The following TMPRSS11F variants were observed in gnomAD, a reference collection of about 807,000 sequenced individuals.
The protein encoded by TMPRSS11F is transmembrane serine protease 11F, also known as transmembrane protease serine 11F.
Under a neutral mutation model 60.2 loss-of-function variants are expected in TMPRSS11F, and 47 were observed. The observed-to-expected ratio is 0.78, with a 90% CI of 0.62 to 1.00. TMPRSS11F has a LOEUF of 1.00. Among genes scored for constraint, TMPRSS11F ranks in the 50% least tolerant of loss-of-function variants. The pLI, the probability that TMPRSS11F is intolerant of heterozygous loss-of-function variation, is 0.00. For synonymous variants in TMPRSS11F, 166 were observed against 167.3 expected, an observed-to-expected ratio of 0.99 and a Z score of 0.06; for missense variants, 519 against 522.9, an observed-to-expected ratio of 0.99 and a Z score of 0.07.
intron 2 of TMPRSS11F, among the ~76,000 whole-genome samples, 185 bp from the exon 3 acceptor site, chr4:68,090,826 A>T (rs1025691941): frequency 1.3e-5 from 2 of 152,188 alleles, no homozygotes; most frequent in African/African-American, 4.8e-5. Context: ...AAAATAAAAA[A>T]TTCTGATCCC....
At chr4:68,057,446 A>G (rs1394451084) in intron 9 of TMPRSS11F, among the ~76,000 whole-genome samples, 1 of 152,144 alleles carries the variant, frequency 6.6e-6, no homozygotes, top group Non-Finnish European at 1.5e-5. Flanking sequence ...GGTTTGGGCA[A>G]GGATTTTTGA....
rs111310380 is a variant in TMPRSS11F, at chr4:68,060,032, A to G, written c.1016-564T>C. ...GTGTTAGGAGGAGAGGATACTGCACAGTTGAATATCGAAAATAAGTAGTTT... is the reference window on the plus strand; with the variant it reads ...GTGTTAGGAGGAGAGGATACTGCACGGTTGAATATCGAAAATAAGTAGTTT... On this transcript the variant is annotated intron_variant, in intron 8 of 9. Coordinates refer to ENST00000356291, the MANE Select transcript of TMPRSS11F (RefSeq NM_207407.2). 5.0e-3 allele frequency among the ~76,000 whole-genome samples: 765 copies of G among 152,282 alleles called. 9 individuals carry two copies. Among genetic ancestry groups the G allele is most frequent in the African/African-American group, 0.018 (744 of 41,560 alleles).
chr4:68,063,708 A>G (rs1240977708), intron 8 of TMPRSS11F, among the ~76,000 whole-genome samples: 1 of 152,110 alleles, frequency 6.6e-6, no homozygotes, highest in Non-Finnish European at 1.5e-5. Context: ...AGAGTGAACT[A>G]GTACCTAGAA....
In TMPRSS11F at chr4:68,101,032, C is replaced by A. The variant is rs552195493; in HGVS notation, c.12-1994G>T. Among the ~76,000 whole-genome samples, 91 of 152,170 alleles carry A rather than the reference C, an allele frequency of 6.0e-4. 4 individuals carry two copies. In the South Asian group the frequency reaches 0.018, roughly 30 times the overall value. On this transcript the variant is annotated intron_variant, in intron 1 of 9. Coordinates refer to ENST00000356291, the MANE Select transcript of TMPRSS11F (RefSeq NM_207407.2). ...GTAGGTTTCATTACTATACTCTGAT[C>A]CCTTCAAGAAGCACGAAATAACAAG...
chr4:68,062,676 T>G lies in TMPRSS11F; in HGVS notation c.1015+2009A>C, dbSNP rs1360727319. 6 of 760,664 alleles carry G rather than the reference T, an allele frequency of 7.9e-6. No individual in the cohort carries two copies. The African/African-American group carries it at 1.0e-4, about 13-fold the overall frequency. The allele number at this position is 760,664 out of a possible 1,614,324, so 47.1% of individuals were successfully genotyped here. On this transcript the variant is annotated intron_variant, in intron 8 of 9. Coordinates refer to ENST00000356291, the MANE Select transcript of TMPRSS11F (RefSeq NM_207407.2). The stretch of plus-strand genomic sequence containing the variant: ...ATCCAGCCTATCATCTTTCTTCTCA[T>G]GCTGCTTTTGTTATACACAGACAGC...
chr4:68,064,820 T>C lies in TMPRSS11F; in HGVS notation c.880A>G (p.Ile294Val). 6.2e-7 allele frequency: 1 copy of C among 1,614,166 alleles called. No individual in the cohort carries two copies. The highest frequency in any genetic ancestry group is 8.5e-7 in the Non-Finnish European group (1 of 1,180,012). ...CCAGTAGAGAGCTGAACCAAAGCAA[T>C]GTCATTTTCATTTGTTTCTCTATGG... ...NYHRETNEND[I>V]ALVQLSTGVE... is the part of the protein sequence containing the mutation. The change falls in exon 8 of 10, where the codon ATT becomes GTT. Residue 294 changes from isoleucine to valine, a missense_variant. Coordinates refer to ENST00000356291, the MANE Select transcript of TMPRSS11F (RefSeq NM_207407.2).
chr4:68,123,723 A>G (rs1364776263), intron 1 of TMPRSS11F, among the ~76,000 whole-genome samples: 1 of 152,120 alleles, frequency 6.6e-6, no homozygotes, highest in Non-Finnish European at 1.5e-5. Flanking sequence ...GGGACAGGAA[A>G]TGTCCCACTG....
intron 8 of TMPRSS11F, chr4:68,063,180 G>A: frequency 1.7e-6 from 1 of 601,550 alleles, no homozygotes; most frequent in Admixed American, 1.9e-5. Flanking sequence ...CCAAACAGCT[G>A]ACAAAAACCC....
chr4:68,127,995 A>C (rs1724747568), intron 1 of TMPRSS11F, among the ~76,000 whole-genome samples: 1 of 152,156 alleles, frequency 6.6e-6, no homozygotes, highest in Admixed American at 6.5e-5. Flanking sequence ...CATTTCACAG[A>C]TAAAAGTGAG....
At chr4:68,084,044 A>G (rs988407853) in intron 3 of TMPRSS11F, among the ~76,000 whole-genome samples, 3 of 152,220 alleles carry the variant, frequency 2.0e-5, no homozygotes, top group Admixed American at 2.0e-4. Flanking sequence ...TTGGAACAAC[A>G]GAATAGACCA....
intron 3 of TMPRSS11F, among the ~76,000 whole-genome samples, chr4:68,088,949 T>A (rs1723871319): frequency 6.6e-6 from 1 of 151,712 alleles, no homozygotes; most frequent in Admixed American, 6.6e-5. Context: ...ATTGGAAGAA[T>A]CAACACCATT....
At chr4:68,076,938 A>C (rs1404716586) in intron 3 of TMPRSS11F, among the ~76,000 whole-genome samples, 1 of 152,232 alleles carries the variant, frequency 6.6e-6, no homozygotes, top group Admixed American at 6.5e-5. Flanking sequence ...AAGTGTACAC[A>C]CACTGGCACA....
chr4:68,090,733 A>G (rs2109864508), intron 2 of TMPRSS11F, 92 bp from the exon 3 acceptor site: 1 of 1,497,018 alleles, frequency 6.7e-7, no homozygotes, highest in Non-Finnish European at 8.9e-7. Flanking sequence ...ATAGGCTACA[A>G]TAATGCAGTT....
chr4:68,090,681 A>G (rs1723909239), intron 2 of TMPRSS11F, 40 bp from the exon 3 acceptor site: 2 of 1,567,110 alleles, frequency 1.3e-6, no homozygotes, highest in Admixed American at 1.9e-5. Flanking sequence ...GGTTAAAGGT[A>G]ATAAGTTGTT....
Position 68,072,316 on chromosome 4 carries a change from G to C in TMPRSS11F, c.514+7C>G. The C allele has an allele frequency of 6.6e-7, 1 of 1,507,472 alleles. No homozygotes were observed. The highest frequency in any genetic ancestry group is 8.9e-7 in the Non-Finnish European group (1 of 1,123,972). The allele number at this position is 1,507,472 out of a possible 1,614,324, so 93.4% of individuals were successfully genotyped here. A position where few individuals can be genotyped will look rare whatever the true frequency, so the allele number is the denominator to read the frequency against. ...ACAAAAGTGGCAAATAAAAATAAAA[G>C]ACTTACGTGTGAGTCTAAATGATGG... On this transcript the variant is annotated splice_region_variant and intron_variant, in intron 5 of 9. Coordinates refer to ENST00000356291, the MANE Select transcript of TMPRSS11F (RefSeq NM_207407.2).
At chr4:68,071,031 A>T (rs76826723) in intron 5 of TMPRSS11F, among the ~76,000 whole-genome samples, 251 of 152,290 alleles carry the variant, frequency 1.6e-3, no homozygotes, top group African/African-American at 5.8e-3. Context: ...TTAATAAATT[A>T]TACAATAAGA....
intron 9 of TMPRSS11F, among the ~76,000 whole-genome samples, chr4:68,057,319 T>G (rs1182437072): frequency 1.4e-5 from 2 of 142,534 alleles, no homozygotes; most frequent in African/African-American, 2.6e-5. Flanking sequence ...AAGAATGAAA[T>G]TAGACCCTTA....
At chr4:68,068,407 A>G (rs956969512) in intron 7 of TMPRSS11F, among the ~76,000 whole-genome samples, 1 of 152,178 alleles carries the variant, frequency 6.6e-6, no homozygotes, top group Non-Finnish European at 1.5e-5. Context: ...TAGGGTCATG[A>G]TGATAGAGGA....
At chr4:68,066,077 C>A in intron 7 of TMPRSS11F, among the ~76,000 whole-genome samples, 1 of 137,534 alleles carries the variant, frequency 7.3e-6, no homozygotes, top group South Asian at 2.3e-4. Context: ...CAAGATCACA[C>A]CATTGAACTC....
Sources: allele counts gnomAD v4.1 joint callset (sites outside exome capture counted in the v4.1 genomes callset), GRCh38; gene constraint gnomAD v4.1.1; transcripts MANE v1.5; gene names NCBI Gene and HGNC (gene_info 2026-07-23, HGNC 2026-07-21).